KCNN2: variants seen among roughly 807,000 people sequenced by gnomAD.
KCNN2 encodes the protein potassium calcium-activated channel subfamily N member 2.
A neutral mutation model predicts 55.5 loss-of-function variants in KCNN2; 24 were observed. The observed-to-expected ratio is 0.43, with a 90% confidence interval of 0.31 to 0.61. The LOEUF (loss-of-function observed/expected upper bound fraction) is 0.61, where lower values mean the gene tolerates loss of function less well. Ranked by LOEUF, KCNN2 falls within the 20% of genes least tolerant of loss-of-function variation. The pLI, the probability that KCNN2 is intolerant of heterozygous loss-of-function variation, is 0.08. For missense variants in KCNN2, 754 were observed against 853.6 expected (o/e 0.88, Z 1.45); for synonymous variants, 431 against 336.1 (o/e 1.28, Z -3.09).
At chr5:114,114,801 T>TG (rs1751678885) in intron 1 of KCNN2, among the ~76,000 whole-genome samples, 1 of 152,128 alleles carries the variant, frequency 6.6e-6, no homozygotes, top group South Asian at 2.1e-4. Context: ...GAGCTGGTAA[T>TG]CTAGCTAGCA....
chr5:114,392,786 T>G (rs1468792443), intron 2 of KCNN2, among the ~76,000 whole-genome samples: 2 of 147,300 alleles, frequency 1.4e-5, no homozygotes, highest in Non-Finnish European at 3.0e-5. Flanking sequence ...TTGGCTTTCT[T>G]CTGTAGTGTT....
chr5:114,449,769 T>G (rs367810369), intron 3 of KCNN2, among the ~76,000 whole-genome samples: 20 of 152,104 alleles, frequency 1.3e-4, no homozygotes, highest in East Asian at 1.2e-3. Context: ...ATTTAAGAGA[T>G]AAGATCTGGT....
chr5:114,200,208 T>A (rs1753645574), intron 1 of KCNN2, among the ~76,000 whole-genome samples: 1 of 152,152 alleles, frequency 6.6e-6, no homozygotes, highest in South Asian at 2.1e-4. Context: ...ATACTTTTTT[T>A]TTATTTTTGT....
At chr5:114,154,491 CA>C (rs557837099) in intron 1 of KCNN2, among the ~76,000 whole-genome samples, 219 of 152,248 alleles carry the variant, frequency 1.4e-3, no homozygotes, top group African/African-American at 5.0e-3. Flanking sequence ...ACCTACTCTA[CA>C]GGCTCAGAAA....
chr5:114,153,181 G>A (rs1239984510), intron 1 of KCNN2, among the ~76,000 whole-genome samples: 1 of 152,192 alleles, frequency 6.6e-6, no homozygotes, highest in Admixed American at 6.6e-5. Flanking sequence ...TGAGTCAGAA[G>A]TTCAGAATAT....
At chr5:114,229,206 C>T (rs1479962778) in intron 2 of KCNN2, among the ~76,000 whole-genome samples, 2 of 151,640 alleles carry the variant, frequency 1.3e-5, no homozygotes, top group African/African-American at 2.4e-5. Context: ...ATAATGATTT[C>T]TTCTGGAATT....
At chr5:114,416,254 C>T (rs192283320) in intron 3 of KCNN2, among the ~76,000 whole-genome samples, 2 of 151,960 alleles carry the variant, frequency 1.3e-5, no homozygotes. Context: ...TTTTAAGATT[C>T]TTTTTGTTTT....
At chr5:114,382,455 T>C (rs1047536903) in intron 2 of KCNN2, among the ~76,000 whole-genome samples, 2 of 152,216 alleles carry the variant, frequency 1.3e-5, no homozygotes, top group Admixed American at 1.3e-4. Context: ...GGTTATTTCT[T>C]CTCTTGGGAA....
chr5:114,430,142 A>G (rs565185785), intron 3 of KCNN2, among the ~76,000 whole-genome samples: 1 of 152,164 alleles, frequency 6.6e-6, no homozygotes, highest in East Asian at 1.9e-4. Flanking sequence ...CTTTAGAATC[A>G]ATTTGTTGAT....
Position 114,087,357 on chromosome 5 carries a change from C to T in KCNN2, c.-271+30857C>T, listed in dbSNP as rs1248847323. Among the ~76,000 whole-genome samples, 4 of 151,974 alleles carry T rather than the reference C, an allele frequency of 2.6e-5. No individual in the cohort carries two copies. In the East Asian group the frequency reaches 5.8e-4, roughly 22 times the overall value. On this transcript the variant is annotated intron_variant, in intron 1 of 10. Coordinates refer to the KCNN2 transcript ENST00000512097. ...TAATTATGAATTCTTTCCCAAGGCT[C>T]ATGTTCAGAATGGTGTTTACTAGGT...
intron 2 of KCNN2, among the ~76,000 whole-genome samples, chr5:114,354,165 T>C (rs1757258725): frequency 6.6e-6 from 1 of 152,072 alleles, no homozygotes; most frequent in Non-Finnish European, 1.5e-5. Context: ...GTATTTTCAG[T>C]TTATTGATTC....
chr5:114,107,793 A>C (rs1386849596), intron 1 of KCNN2, among the ~76,000 whole-genome samples: 1 of 152,090 alleles, frequency 6.6e-6, no homozygotes, highest in African/African-American at 2.4e-5. Context: ...TCTATCTGTA[A>C]ATTTGGAATC....
intron 1 of KCNN2, among the ~76,000 whole-genome samples, chr5:114,216,550 G>T (rs1291763850): frequency 6.6e-6 from 1 of 152,030 alleles, no homozygotes; most frequent in East Asian, 1.9e-4. Flanking sequence ...AAAATCATTA[G>T]AATTTATCAA....
rs1053260227 is a variant in KCNN2, at chr5:114,082,856, G to A, written c.-271+26356G>A. 3.9e-5 allele frequency among the ~76,000 whole-genome samples: 6 copies of A among 152,066 alleles called. No homozygotes were observed. The East Asian group carries it at 7.7e-4, about 20-fold the overall frequency. ...TCACTTATACAAGACACTTAAGATCGTCAAAATCATAGCCACAGAAAGTAG... is the reference window on the plus strand; with the variant it reads ...TCACTTATACAAGACACTTAAGATCATCAAAATCATAGCCACAGAAAGTAG... On this transcript the variant is annotated intron_variant, in intron 1 of 10. Coordinates refer to the KCNN2 transcript ENST00000512097.
At chr5:114,404,957 T>A in intron 3 of KCNN2, 101 bp downstream of exon 3, 1 of 1,080,082 alleles carries the variant, frequency 9.3e-7, no homozygotes, top group Non-Finnish European at 1.3e-6. Context: ...GTCTCACTCT[T>A]AAAAATTTTG....
At chr5:114,493,309 A>G in intron 6 of KCNN2, 94 bp from the exon 7 acceptor site, 1 of 819,738 alleles carries the variant, frequency 1.2e-6, no homozygotes, top group Non-Finnish European at 2.2e-6. Flanking sequence ...CCATGCAGTT[A>G]TTTGCTCTTG....
intron 1 of KCNN2, among the ~76,000 whole-genome samples, chr5:114,218,062 G>C (rs140224761): frequency 6.6e-6 from 1 of 152,282 alleles, no homozygotes; most frequent in Non-Finnish European, 1.5e-5. Flanking sequence ...CACAAGTACT[G>C]AAATTGTTAA....
intron 3 of KCNN2, among the ~76,000 whole-genome samples, chr5:114,435,621 A>T (rs1229877824): frequency 6.8e-6 from 1 of 146,142 alleles, no homozygotes; most frequent in Non-Finnish European, 1.5e-5. Flanking sequence ...TTTTTACTCT[A>T]AAAAAAAAAG....
At chr5:114,297,769 T>C (rs934385839) in intron 2 of KCNN2, among the ~76,000 whole-genome samples, 2 of 152,190 alleles carry the variant, frequency 1.3e-5, no homozygotes, top group Non-Finnish European at 2.9e-5. Flanking sequence ...TAAAATAATA[T>C]GTTATCAGAG....
Sources: gnomAD v4.1 joint callset for allele counts (sites outside exome capture counted in the v4.1 genomes callset) on GRCh38, gnomAD v4.1.1 for gene constraint, MANE v1.5 for transcripts, NCBI Gene and HGNC (gene_info 2026-07-23, HGNC 2026-07-21) for gene names.